The following FSTL5 variants were observed in gnomAD, a reference collection of about 807,000 sequenced individuals.
The protein encoded by FSTL5 is follistatin-related protein 5.
FSTL5 carries 62 observed loss-of-function variants against 89.1 expected under a neutral mutation model. That is an observed-to-expected ratio of 0.70 (90% CI 0.57 to 0.86). The LOEUF (loss-of-function observed/expected upper bound fraction) is 0.86. FSTL5 is among the 40% of genes least tolerant of loss of function. FSTL5 has a pLI of 0.00. For missense variants in FSTL5, 1,057 were observed against 1,001.6 expected, an observed-to-expected ratio of 1.06 and a Z score of -0.75; for synonymous variants, 383 against 346.2, an observed-to-expected ratio of 1.11 and a Z score of -1.18.
intron 3 of FSTL5, among the ~76,000 whole-genome samples, chr4:161,935,597 G>A (rs933070438): frequency 4.6e-5 from 7 of 152,070 alleles, no homozygotes; most frequent in African/African-American, 1.7e-4. Flanking sequence ...TGGCAGGACT[G>A]TTCATGGAAA....
chr4:161,658,622 T>C (rs763507251), intron 6 of FSTL5, among the ~76,000 whole-genome samples: 5 of 152,120 alleles, frequency 3.3e-5, no homozygotes, highest in Non-Finnish European at 4.4e-5. Flanking sequence ...TACAGAGACA[T>C]GTATATACAT....
intron 3 of FSTL5, among the ~76,000 whole-genome samples, chr4:162,015,692 T>A (rs540245690): frequency 6.6e-6 from 1 of 152,264 alleles, no homozygotes; most frequent in African/African-American, 2.4e-5. Context: ...AACTAACTAG[T>A]CATAAACTGT....
chr4:161,713,540 T>A (rs1471876708), intron 6 of FSTL5, among the ~76,000 whole-genome samples: 1 of 152,182 alleles, frequency 6.6e-6, no homozygotes, highest in Admixed American at 6.5e-5. Flanking sequence ...CAGAACACAC[T>A]TTAACTGTTT....
chr4:161,618,101 C>T (rs963473525), intron 7 of FSTL5, among the ~76,000 whole-genome samples: 7 of 148,922 alleles, frequency 4.7e-5, no homozygotes, highest in African/African-American at 1.8e-4. Context: ...AATGGGAGTT[C>T]ACTCATGATT....
At chr4:161,554,882 G>C (rs115372019) in intron 8 of FSTL5, among the ~76,000 whole-genome samples, 1 of 151,608 alleles carries the variant, frequency 6.6e-6, no homozygotes, top group Non-Finnish European at 1.5e-5. Flanking sequence ...AAAAATTACA[G>C]ACTCGGTTTA....
At chr4:161,549,141 C>T (rs542388609) in intron 8 of FSTL5, among the ~76,000 whole-genome samples, 12 of 151,684 alleles carry the variant, frequency 7.9e-5, no homozygotes, top group South Asian at 4.1e-4. Flanking sequence ...GTTTATTTGT[C>T]GTCATTTAGA....
chr4:161,827,785 G>A (rs1402172472), intron 4 of FSTL5, among the ~76,000 whole-genome samples: 1 of 152,114 alleles, frequency 6.6e-6, no homozygotes, highest in Non-Finnish European at 1.5e-5. Flanking sequence ...CCAAAAGGCT[G>A]GTCTCACTCC....
intron 3 of FSTL5, among the ~76,000 whole-genome samples, chr4:162,020,335 A>C (rs1479381091): frequency 6.6e-6 from 1 of 152,090 alleles, no homozygotes; most frequent in Non-Finnish European, 1.5e-5. Flanking sequence ...TATTAAAAAA[A>C]TAGATAATTA....
intron 4 of FSTL5, among the ~76,000 whole-genome samples, chr4:161,877,845 G>A (rs1732497988): frequency 1.3e-5 from 2 of 151,268 alleles, no homozygotes; most frequent in South Asian, 4.2e-4. Flanking sequence ...CAGTAGAGAC[G>A]GGGTTTCACC....
chr4:161,411,414 T>C (rs62325025), intron 15 of FSTL5, among the ~76,000 whole-genome samples: 14,694 of 150,774 alleles, frequency 0.097, 745 homozygotes, highest in Non-Finnish European at 0.12. Flanking sequence ...ATATCCCTGA[T>C]GAACATAGAT....
intron 4 of FSTL5, among the ~76,000 whole-genome samples, chr4:161,838,570 C>T (rs1180456254): frequency 6.6e-6 from 1 of 152,142 alleles, no homozygotes; most frequent in East Asian, 1.9e-4. Flanking sequence ...AGACGTGAGC[C>T]ACCGTGCCTG....
chr4:162,003,127 G>A (rs1736514463), intron 3 of FSTL5, among the ~76,000 whole-genome samples: 1 of 152,076 alleles, frequency 6.6e-6, no homozygotes, highest in Non-Finnish European at 1.5e-5. Context: ...CTGGGGGACA[G>A]AGCAAGACTC....
rs1354778096 is a variant in FSTL5, at chr4:161,395,413, G to T, written c.1842-8964C>A. On this transcript the variant is annotated intron_variant, in intron 15 of 15. Transcript: ENST00000306100. ...GTAAAATATCTATGAACACGCAGAA[G>T]CAGAAATAAATTTTTCTTTCTATTG... Among the ~76,000 whole-genome samples the T allele has an allele frequency of 3.3e-5, 5 of 151,888 alleles. No individual in the cohort carries two copies. The East Asian group carries it at 9.7e-4, about 29-fold the overall frequency.
intron 4 of FSTL5, among the ~76,000 whole-genome samples, chr4:161,844,601 T>C (rs929817774): frequency 6.6e-6 from 1 of 152,178 alleles, no homozygotes; most frequent in South Asian, 2.1e-4. Context: ...TGGAATACCA[T>C]GCAACCATAA....
chr4:161,611,231 C>CATATATATATATAT lies in FSTL5; in HGVS notation c.895-23670_895-23657dup, dbSNP rs70937667. ...ATGTGTATATGTGTGTATGTGTATA[C>CATATATATATATAT]ATATATATATATATATATATATATA... On this transcript the variant is annotated intron_variant, in intron 7 of 15. Coordinates refer to ENST00000306100, the MANE Select transcript of FSTL5 (RefSeq NM_020116.5). Among the ~76,000 whole-genome samples, 41 of 128,474 alleles carry CATATATATATATAT rather than the reference C, an allele frequency of 3.2e-4. 2 individuals carry two copies. Among genetic ancestry groups the CATATATATATATAT allele is most frequent in the South Asian group, 1.0e-3 (4 of 3,982 alleles). The allele number at this position is 128,474 out of a possible 152,430, so 84.3% of individuals were successfully genotyped here.
chr4:161,671,281 T>C (rs573054509), intron 6 of FSTL5, among the ~76,000 whole-genome samples: 2 of 152,310 alleles, frequency 1.3e-5, no homozygotes, highest in African/African-American at 4.8e-5. Context: ...CCCATGGACC[T>C]AGGCTTGGCA....
chr4:161,689,871 T>C (rs1007641333), intron 6 of FSTL5, among the ~76,000 whole-genome samples: 33 of 152,168 alleles, frequency 2.2e-4, no homozygotes, highest in African/African-American at 8.0e-4. Flanking sequence ...TTACCTACTA[T>C]GGATATTCCA....
intron 4 of FSTL5, among the ~76,000 whole-genome samples, chr4:161,812,819 G>A (rs1455597023): frequency 2.4e-5 from 3 of 125,942 alleles, no homozygotes; most frequent in Admixed American, 2.2e-4. Context: ...GACTGACAGT[G>A]GAGGTAAATC....
intron 4 of FSTL5, among the ~76,000 whole-genome samples, chr4:161,860,156 CG>C (rs1360208307): frequency 7.9e-5 from 12 of 152,052 alleles, no homozygotes; most frequent in East Asian, 5.8e-4. Context: ...GGCGTGGTGG[CG>C]GGCGCCTGTA....
Sources: gnomAD v4.1 joint callset for allele counts (sites outside exome capture counted in the v4.1 genomes callset) on GRCh38, gnomAD v4.1.1 for gene constraint, MANE v1.5 for transcripts, NCBI Gene and HGNC (gene_info 2026-07-23, HGNC 2026-07-21) for gene names.